Variants in FGD2 observed in about 807,000 individuals in gnomAD.
FGD2 encodes the protein FYVE, RhoGEF and PH domain containing 2.
FGD2 carries 52 observed loss-of-function variants against 75.9 expected under a neutral mutation model. The ratio of observed to expected loss-of-function variants is 0.69; its 90% CI spans 0.55 to 0.86. The LOEUF is 0.86. Ranked by LOEUF, FGD2 falls within the 40% of genes least tolerant of loss-of-function variation. The pLI is 0.00. For synonymous variants in FGD2, 347 were observed against 348.6 expected (o/e 1.00, Z 0.05); for missense variants, 790 against 872.0 (o/e 0.91, Z 1.18).
chr6:37,026,108 A>G (rs1301178579), intron 14 of FGD2, 170 bp downstream of exon 14: 1 of 984,606 alleles, frequency 1.0e-6, no homozygotes, highest in African/African-American at 1.8e-5. Context: ...GCCTCTCGCC[A>G]CAGCCCAGGC....
intron 10 of FGD2, 29 bp downstream of exon 10, chr6:37,020,649 C>G: frequency 6.3e-7 from 1 of 1,588,490 alleles, no homozygotes; most frequent in Non-Finnish European, 8.6e-7. Flanking sequence ...CGGCCCAGGG[C>G]CAGGCGGGAA....
chr6:37,005,766 G>A lies in FGD2; in HGVS notation c.-52G>A. ...GCGTGGCTGAGTGTGCTGGCTGGAG[G>A]CCTCTCTCTCTGCTTCGAGGGTAGC... is the stretch of plus-strand genomic sequence containing the variant. On this transcript the variant is annotated 5_prime_UTR_variant, in exon 1 of 16. Transcript: ENST00000274963. The A allele has an allele frequency of 8.9e-6, 14 of 1,581,468 alleles. No homozygotes were observed. The highest frequency in any genetic ancestry group is 1.3e-5 in the African/African-American group (1 of 74,510).
chr6:37,017,174 T>A (rs1040809874), intron 9 of FGD2, among the ~76,000 whole-genome samples: 13 of 152,134 alleles, frequency 8.5e-5, no homozygotes, highest in African/African-American at 3.1e-4. Context: ...TTCCTCATCC[T>A]CCTGCCCAGC....
rs763683329 is a variant in FGD2 at position 37,014,091 on chromosome 6, G to A, written c.814G>A (p.Asp272Asn). 6 of 1,613,744 alleles carry A rather than the reference G, an allele frequency of 3.7e-6. No homozygotes were observed. Among genetic ancestry groups the A allele is most frequent in the Admixed American group, 1.7e-5 (1 of 59,960 alleles). Reference sequence around the variant, plus strand: ...GCCAGCCCAGGCCCCAGACCAGGCCGATGCCCAGAGTGAGGACACCCCCAG... The same window carrying A: ...GCCAGCCCAGGCCCCAGACCAGGCCAATGCCCAGAGTGAGGACACCCCCAG... The part of the protein sequence containing the change: ...KLPAQAPDQA[D>N]AQKALDMIFS... The change falls in exon 6 of 16, where the codon GAT (aspartate) becomes AAT (asparagine). Residue 272 changes from aspartate (D) to asparagine (N), a missense_variant. By Grantham distance (23) the Asp-to-Asn change is conservative (BLOSUM62 1). Coordinates refer to ENST00000274963, the MANE Select transcript of FGD2 (RefSeq NM_173558.4).
In FGD2 at chr6:37,011,719, A is replaced by G; in HGVS notation, c.392A>G (p.Glu131Gly). The change falls in exon 4 of 16, where the codon GAG becomes GGG. Residue 131 changes from glutamate (E) to glycine (G), a missense_variant. Coordinates refer to ENST00000274963, the MANE Select transcript of FGD2 (RefSeq NM_173558.4). ...LHLLDQVFFQELLKTARSSKA... is the reference protein window; with the variant it reads ...LHLLDQVFFQGLLKTARSSKA... Reference sequence around the variant, plus strand: ...TGGCGGCTACAGGTGTTTTTCCAGGAGCTGCTGAAGACAGCCCGCAGCAGC... The same window carrying G: ...TGGCGGCTACAGGTGTTTTTCCAGGGGCTGCTGAAGACAGCCCGCAGCAGC... 6.2e-7 allele frequency: 1 copy of G among 1,614,026 alleles called. No homozygotes were observed. Among genetic ancestry groups the G allele is most frequent in the Non-Finnish European group, 8.5e-7 (1 of 1,179,980 alleles).
At position 37,009,039 on chromosome 6, in the gene FGD2, G is replaced by A; in HGVS notation, c.274G>A (p.Val92Met). The change falls in exon 2 of 16, where the codon GTG becomes ATG. Residue 92 changes from valine to methionine, a missense_variant. Physicochemically the swap from Val to Met is conservative, Grantham distance 21 (BLOSUM62 1). Transcript: ENST00000274963. ...SEAWRKSCQP[V>M]TLSGSGTQEP... ...AGCCTGGAGGAAATCTTGCCAGCCT[G>A]TGACCCTCTCAGGATCGGGGACGCA... 1 of 1,614,220 alleles carries A rather than the reference G, an allele frequency of 6.2e-7. No homozygotes were observed. The highest frequency in any genetic ancestry group is 1.7e-5 in the Admixed American group (1 of 60,034).
intron 5 of FGD2, 68 bp from the exon 6 acceptor site, chr6:37,013,894 C>T (rs377377669): frequency 1.3e-6 from 2 of 1,589,462 alleles, no homozygotes; most frequent in East Asian, 4.5e-5. Flanking sequence ...TCGTCCGGCC[C>T]TCAGGAGCAG....
chr6:37,019,012 C>T (rs1765440936), intron 9 of FGD2, among the ~76,000 whole-genome samples: 2 of 152,324 alleles, frequency 1.3e-5, no homozygotes, highest in East Asian at 3.9e-4. Flanking sequence ...ATCCCAGGGG[C>T]AGCCTGGACC....
chr6:37,014,211 C>A, intron 6 of FGD2, 111 bp downstream of exon 6: 1 of 1,273,174 alleles, frequency 7.9e-7, no homozygotes, highest in Non-Finnish European at 1.1e-6. Flanking sequence ...TCAACATCAA[C>A]CACTGGCACT....
chr6:37,020,676 T>C, intron 10 of FGD2, 33 bp from the exon 11 acceptor site: 1 of 1,577,660 alleles, frequency 6.3e-7, no homozygotes, highest in Non-Finnish European at 8.6e-7. Flanking sequence ...GAGGGGCTGA[T>C]CTCCTCAACA....
At chr6:37,013,885 C>A in intron 5 of FGD2, 77 bp from the exon 6 acceptor site, 1 of 1,583,864 alleles carries the variant, frequency 6.3e-7, no homozygotes, top group South Asian at 1.2e-5. Flanking sequence ...CCTGCCTACT[C>A]GTCCGGCCCT....
chr6:37,020,202 C>T (rs988199588), intron 9 of FGD2, among the ~76,000 whole-genome samples: 2 of 152,196 alleles, frequency 1.3e-5, no homozygotes, highest in African/African-American at 2.4e-5. Flanking sequence ...GCCAAGAAAA[C>T]GGTATAATGA....
chr6:37,021,407 A>C, intron 11 of FGD2, 105 bp from the exon 12 acceptor site: 3 of 963,810 alleles, frequency 3.1e-6, no homozygotes, highest in Non-Finnish European at 4.7e-6. Context: ...CCTGGTACCC[A>C]GTGGGCTTTC....
Position 37,028,249 on chromosome 6 carries a change from A to C in FGD2, c.*86A>C. ...ACTGACCCTGTGGCCTCAGTGACCC[A>C]CTGCCCCAAGTGGTGCTTTCAGAGA... is the stretch of plus-strand genomic sequence containing the variant. On this transcript the variant is annotated 3_prime_UTR_variant, in exon 16 of 16. Coordinates refer to ENST00000274963, the MANE Select transcript of FGD2 (RefSeq NM_173558.4). 1.5e-6 allele frequency: 2 copies of C among 1,305,708 alleles called. No individual in the cohort carries two copies. The highest frequency in any genetic ancestry group is 1.5e-5 in the South Asian group (1 of 65,486). 80.9% of individuals were successfully genotyped at this position (1,305,708 alleles called of 1,614,324 possible).
intron 1 of FGD2, among the ~76,000 whole-genome samples, chr6:37,007,525 A>G (rs1485040416): frequency 6.6e-6 from 1 of 152,054 alleles, no homozygotes; most frequent in African/African-American, 2.4e-5. Context: ...CCAGGCAATA[A>G]CCCTGGCAGG....
At chr6:37,024,686 C>T (rs1036840009) in intron 13 of FGD2, 5 of 152,040 alleles carry the variant, frequency 3.3e-5, no homozygotes, top group South Asian at 2.1e-4. Context: ...ACATTGAAAT[C>T]GCTCAATAAA....
chr6:37,014,863 T>C lies in FGD2; in HGVS notation c.883-29T>C, dbSNP rs781127687. On this transcript the variant is annotated intron_variant, in intron 7 of 15. Coordinates refer to ENST00000274963, the MANE Select transcript of FGD2 (RefSeq NM_173558.4). The stretch of plus-strand genomic sequence containing the variant: ...AGAAGCAGGTGAGCCCTGCCCAGAC[T>C]TGGCTGAGGATGCACCCCAACCCCC... 1.3e-5 allele frequency: 21 copies of C among 1,611,686 alleles called. No individual in the cohort carries two copies. The East Asian group carries it at 2.7e-4, about 21-fold the overall frequency.
chr6:37,007,621 C>A (rs565121399), intron 1 of FGD2, among the ~76,000 whole-genome samples: 1 of 152,220 alleles, frequency 6.6e-6, no homozygotes, highest in Non-Finnish European at 1.5e-5. Context: ...GGACCCATAC[C>A]AACTGCCTTG....
rs753993512 is a variant in FGD2 at position 37,015,049 on chromosome 6, G to T, written c.1029+11G>T. On this transcript the variant is annotated intron_variant, in intron 8 of 15. Transcript: ENST00000274963. ...CGCTACCTTTTCTTGGTAAGAGGGT[G>T]CTGGGAGCTCCTCTCCACACTGGGG... 1.2e-6 allele frequency: 2 copies of T among 1,610,014 alleles called. No individual in the cohort carries two copies. Among genetic ancestry groups the T allele is most frequent in the African/African-American group, 2.7e-5 (2 of 74,888 alleles).
Sources: gnomAD v4.1 joint callset for allele counts (sites outside exome capture counted in the v4.1 genomes callset) on GRCh38, gnomAD v4.1.1 for gene constraint, MANE v1.5 for transcripts, NCBI Gene and HGNC (gene_info 2026-07-23, HGNC 2026-07-21) for gene names.